The following SNRPN variants were observed in gnomAD, a reference collection of about 807,000 sequenced individuals.
SNRPN encodes small nuclear ribonucleoprotein polypeptide N, also known as small nuclear ribonucleoprotein-associated protein N.
Under a neutral mutation model 25.2 loss-of-function variants are expected in SNRPN, and 7 were observed. The observed-to-expected ratio is 0.28, with a 90% CI of 0.16 to 0.52. The LOEUF (loss-of-function observed/expected upper bound fraction) is 0.52, where lower values mean the gene tolerates loss of function less well. Among genes scored for constraint, SNRPN ranks in the 20% least tolerant of loss-of-function variants. The pLI, the probability that SNRPN is intolerant of heterozygous loss-of-function variation, is 0.96. For missense variants in SNRPN, 196 were observed against 322.5 expected, an observed-to-expected ratio of 0.61 and a Z score of 3.00; for synonymous variants, 124 against 110.6, an observed-to-expected ratio of 1.12 and a Z score of -0.76.
chr15:24,899,415 T>G (rs1421109394), intron 2 of SNRPN, among the ~76,000 whole-genome samples: 1 of 152,180 alleles, frequency 6.6e-6, no homozygotes, highest in African/African-American at 2.4e-5. Context: ...TGTGTTGCAA[T>G]AGTAAGTTTT....
At chr15:24,954,742 A>G (rs2062558415), upstream of SNRPN, among the ~76,000 whole-genome samples, 1 of 152,226 alleles carries the variant, frequency 6.6e-6, no homozygotes, top group Non-Finnish European at 1.5e-5. Context: ...ATTTTAAAAA[A>G]CAGGTAGACA....
upstream of SNRPN, among the ~76,000 whole-genome samples, chr15:24,954,593 G>A (rs772100088): frequency 4.6e-5 from 7 of 152,180 alleles, no homozygotes; most frequent in Non-Finnish European, 1.0e-4. Flanking sequence ...TGGTTATGGC[G>A]CATTTAACTT....
At chr15:24,939,666 C>G (rs747447067) in intron 3 of SNRPN, among the ~76,000 whole-genome samples, 1 of 151,752 alleles carries the variant, frequency 6.6e-6, no homozygotes, top group South Asian at 2.1e-4. Context: ...CTCCTGACTT[C>G]GAATGATCCA....
chr15:24,969,169 C>T (rs1322075259), intron 3 of SNRPN, among the ~76,000 whole-genome samples: 2 of 152,080 alleles, frequency 1.3e-5, no homozygotes, highest in Non-Finnish European at 2.9e-5. Context: ...CACTCTGTTG[C>T]CCAGGCTGGA....
At chr15:24,930,682 C>G (rs2060778599) in intron 3 of SNRPN, among the ~76,000 whole-genome samples, 1 of 151,050 alleles carries the variant, frequency 6.6e-6, no homozygotes, top group Admixed American at 6.6e-5. Flanking sequence ...CGGGTGGATC[C>G]CGAGGTCAGG....
At chr15:24,885,323 C>A (rs2057098270) in intron 1 of SNRPN, among the ~76,000 whole-genome samples, 1 of 152,104 alleles carries the variant, frequency 6.6e-6, no homozygotes. Context: ...ACTTAAAATG[C>A]CATTACTTTG....
At chr15:24,939,226 T>C (rs1413076560) in intron 3 of SNRPN, among the ~76,000 whole-genome samples, 1 of 152,158 alleles carries the variant, frequency 6.6e-6, no homozygotes, top group Non-Finnish European at 1.5e-5. Context: ...TCCTCTGGTC[T>C]TCACCATGAC....
upstream of SNRPN, among the ~76,000 whole-genome samples, chr15:24,855,655 G>A (rs554942536): frequency 6.6e-6 from 1 of 152,076 alleles, no homozygotes; most frequent in South Asian, 2.1e-4. Context: ...ATCCAGGCAT[G>A]CTGGCGGGCA....
chr15:24,920,747 T>C (rs2059979353), intron 3 of SNRPN, among the ~76,000 whole-genome samples: 1 of 152,144 alleles, frequency 6.6e-6, no homozygotes, highest in African/African-American at 2.4e-5. Context: ...CCCAGACCTA[T>C]GGATTCAGAA....
intron 1 of SNRPN, among the ~76,000 whole-genome samples, chr15:24,827,916 A>G (rs1262904560): frequency 2.0e-5 from 3 of 151,134 alleles, no homozygotes; most frequent in African/African-American, 7.3e-5. Flanking sequence ...GATTGCTACA[A>G]TGTCACAAGA....
chr15:24,955,360 A>C (rs1489914848), intron 1 of SNRPN, among the ~76,000 whole-genome samples: 2 of 151,680 alleles, frequency 1.3e-5, no homozygotes, highest in East Asian at 3.9e-4. Context: ...GACTGGGAGC[A>C]TGCGGGGTAA....
chr15:24,884,990 T>A (rs1373469928), intron 1 of SNRPN, among the ~76,000 whole-genome samples: 3 of 152,184 alleles, frequency 2.0e-5, no homozygotes, highest in Non-Finnish European at 4.4e-5. Context: ...AAGTTTTTTT[T>A]ATGTAAGTGT....
At chr15:24,844,522 C>A (rs2052016488) in intron 2 of SNRPN, among the ~76,000 whole-genome samples, 1 of 148,656 alleles carries the variant, frequency 6.7e-6, no homozygotes, top group African/African-American at 2.5e-5. Context: ...AATAATTTGT[C>A]CTTTTTTGTT....
At chr15:24,880,643 A>G (rs1595660225) in intron 1 of SNRPN, among the ~76,000 whole-genome samples, 1 of 152,176 alleles carries the variant, frequency 6.6e-6, no homozygotes, top group Non-Finnish European at 1.5e-5. Context: ...GAGCCTGATG[A>G]ATTTTTTAAT....
At position 24,974,495 on chromosome 15, in the gene SNRPN, T is replaced by TA. The variant is rs773359146; in HGVS notation, c.3+41dup. 10 of 1,605,838 alleles carry TA rather than the reference T, an allele frequency of 6.2e-6. No individual in the cohort carries two copies. In the African/African-American group the frequency reaches 1.3e-4, roughly 21 times the overall value. ...TAAGGCTGAGGGTTGAAATGTGCTGTAAGGGCCGAAAGAAATAGTTTGCCA... is the reference window on the plus strand; with the variant it reads ...TAAGGCTGAGGGTTGAAATGTGCTGTAAAGGGCCGAAAGAAATAGTTTGCCA... On this transcript the variant is annotated intron_variant, in intron 4 of 9. Coordinates refer to ENST00000390687, the MANE Select transcript of SNRPN (RefSeq NM_003097.6).
intron 2 of SNRPN, among the ~76,000 whole-genome samples, chr15:24,831,466 A>C (rs1385736492): frequency 6.6e-6 from 1 of 152,054 alleles, no homozygotes; most frequent in East Asian, 1.9e-4. Flanking sequence ...GTTACCTCAC[A>C]CAGTTATTTT....
chr15:24,922,520 T>C (rs1338640625), intron 3 of SNRPN, among the ~76,000 whole-genome samples: 1 of 152,222 alleles, frequency 6.6e-6, no homozygotes, highest in East Asian at 1.9e-4. Flanking sequence ...AACTCGTGGG[T>C]ATCCCTTCTG....
chr15:24,891,739 ATTTCT>A (rs1259722457), intron 2 of SNRPN, among the ~76,000 whole-genome samples: 2 of 152,016 alleles, frequency 1.3e-5, no homozygotes, highest in African/African-American at 2.4e-5. Context: ...CACCCGGCAA[ATTTCT>A]TTTAAGATAT....
At chr15:24,968,812 T>C (rs933175313) in intron 3 of SNRPN, 3 of 152,306 alleles carry the variant, frequency 2.0e-5, no homozygotes, top group East Asian at 3.9e-4. Flanking sequence ...AATAAAAATA[T>C]TATTCATAAT....
Sources: allele counts gnomAD v4.1 joint callset (sites outside exome capture counted in the v4.1 genomes callset), GRCh38; gene constraint gnomAD v4.1.1; transcripts MANE v1.5; gene names NCBI Gene and HGNC (gene_info 2026-07-23, HGNC 2026-07-21).